MAP2K5: variants seen among roughly 807,000 people sequenced by gnomAD.
MAP2K5 encodes the protein dual specificity mitogen-activated protein kinase kinase 5.
A neutral mutation model predicts 83.1 loss-of-function variants in MAP2K5; 49 were observed. The observed-to-expected ratio is 0.59, with a 90% CI of 0.47 to 0.75. The LOEUF is 0.75. Ranked by LOEUF, MAP2K5 falls within the 30% of genes least tolerant of loss-of-function variation. MAP2K5 has a pLI of 0.00. For synonymous variants in MAP2K5, 202 were observed against 191.8 expected, an observed-to-expected ratio of 1.05 and a Z score of -0.44; for missense variants, 457 against 557.5, an observed-to-expected ratio of 0.82 and a Z score of 1.82.
chr15:67,730,419 G>T (rs1392125382), intron 17 of MAP2K5, among the ~76,000 whole-genome samples: 3 of 152,130 alleles, frequency 2.0e-5, no homozygotes, highest in Non-Finnish European at 4.4e-5. Flanking sequence ...TGACTGGTTT[G>T]GTTTCTTTGA....
chr15:67,560,108 G>C (rs926874686), intron 2 of MAP2K5, among the ~76,000 whole-genome samples: 1 of 152,226 alleles, frequency 6.6e-6, no homozygotes. Flanking sequence ...TTAGGCTACT[G>C]TCATAGTAAT....
At position 67,739,439 on chromosome 15, in the gene MAP2K5, TATATATATATATATATATATATA is replaced by T. The variant is rs1294246758; in HGVS notation, c.1075-8791_1075-8769del. On this transcript the variant is annotated intron_variant, in intron 17 of 21. Transcript: ENST00000178640. The stretch of plus-strand genomic sequence containing the variant: ...GTGTGTGACTATATATATATATATA[TATATATATATATATATATATATA>T]TTTTTTTTTTTTTTTTTTTTTTTTT... Among the ~76,000 whole-genome samples, 12 of 10,740 alleles carry T rather than the reference TATATATATATATATATATATATA, an allele frequency of 1.1e-3. No homozygotes were observed. In the East Asian group the frequency reaches 0.036, roughly 32 times the overall value. 7.0% of individuals were successfully genotyped at this position (10,740 alleles called of 152,430 possible). A position where few individuals can be genotyped will look rare whatever the true frequency, so the allele number is the denominator to read the frequency against.
intron 7 of MAP2K5, 23 bp from the exon 8 acceptor site, chr15:67,600,662 G>A (rs1381092194): frequency 6.3e-7 from 1 of 1,592,542 alleles, no homozygotes; most frequent in East Asian, 2.3e-5. Flanking sequence ...CACCCTTTTT[G>A]TTTTTCTTTC....
intron 12 of MAP2K5, among the ~76,000 whole-genome samples, chr15:67,660,945 A>G (rs1301316646): frequency 6.6e-6 from 1 of 151,840 alleles, no homozygotes; most frequent in Admixed American, 6.6e-5. Context: ...TATGAATGAG[A>G]GAATAGTGGA....
chr15:67,573,521 C>G lies in MAP2K5; in HGVS notation c.253-7233C>G, dbSNP rs2084990740. Reference sequence around the variant, plus strand: ...ATGATCCAGTCATCTCTCACAGGACCCCTCCTCCAATTAAACATGAGATTT... The same window carrying G: ...ATGATCCAGTCATCTCTCACAGGACGCCTCCTCCAATTAAACATGAGATTT... On this transcript the variant is annotated intron_variant, in intron 3 of 21. Transcript: ENST00000178640. This position sits in a 1 kb window ranked among gnomAD's most constrained non-coding sequence, Gnocchi z 4.2. Among the ~76,000 whole-genome samples the G allele has an allele frequency of 6.6e-6, 1 of 151,966 alleles. No individual in the cohort carries two copies. Among genetic ancestry groups the G allele is most frequent in the South Asian group, 2.1e-4 (1 of 4,810 alleles).
chr15:67,770,527 C>T lies in MAP2K5; in HGVS notation c.1196+864C>T, dbSNP rs772350281. 6.6e-6 allele frequency among the ~76,000 whole-genome samples: 1 copy of T among 152,208 alleles called. No individual in the cohort carries two copies. The highest frequency in any genetic ancestry group is 1.5e-5 in the Non-Finnish European group (1 of 68,044). On this transcript the variant is annotated intron_variant, in intron 20 of 21. Transcript: ENST00000178640. This position sits in a 1 kb window ranked among gnomAD's most constrained non-coding sequence, Gnocchi z 5.0. ...GCAGGAGACAAAACCAACCGCAACTCCTTCTTAACTACGTTGGTCTTCTTT... is the reference window on the plus strand; with the variant it reads ...GCAGGAGACAAAACCAACCGCAACTTCTTCTTAACTACGTTGGTCTTCTTT...
At chr15:67,592,996 G>C (rs1361138800) in intron 7 of MAP2K5, 22 bp downstream of exon 7, 1 of 1,470,150 alleles carries the variant, frequency 6.8e-7, no homozygotes, top group Admixed American at 1.8e-5. Context: ...TATATATTAA[G>C]ATTTTCACAT....
rs1434380658 is a variant in MAP2K5, at chr15:67,577,757, T to C, written c.253-2997T>C. Among the ~76,000 whole-genome samples, 1 of 152,162 alleles carries C rather than the reference T, an allele frequency of 6.6e-6. No homozygotes were observed. The highest frequency in any genetic ancestry group is 1.5e-5 in the Non-Finnish European group (1 of 68,018). ...GGCTCACGCCTGTAATCCCAGCACT[T>C]TGGGAGGCCAAGGCAGGTGGATCAC... On this transcript the variant is annotated intron_variant, in intron 3 of 21. Coordinates refer to ENST00000178640, the MANE Select transcript of MAP2K5 (RefSeq NM_145160.3). The surrounding 1 kb of genome is among the most constrained non-coding windows in gnomAD (Gnocchi z 4.1).
chr15:67,604,199 T>C (rs373675475), intron 8 of MAP2K5, among the ~76,000 whole-genome samples: 2 of 152,246 alleles, frequency 1.3e-5, no homozygotes, highest in South Asian at 4.1e-4. Context: ...CTCTATATTA[T>C]GAGAGTGACT....
chr15:67,730,805 G>A (rs548118557), intron 17 of MAP2K5, among the ~76,000 whole-genome samples: 2 of 152,272 alleles, frequency 1.3e-5, no homozygotes, highest in East Asian at 3.9e-4. Context: ...TTCACTAGTG[G>A]CAAATTGAGA....
intron 12 of MAP2K5, chr15:67,658,862 T>C: frequency 1.9e-6 from 1 of 540,392 alleles, no homozygotes; most frequent in South Asian, 1.6e-5. Context: ...GGTATTCTTG[T>C]TGACTCGTAA....
At chr15:67,727,071 C>T (rs1276641849) in intron 16 of MAP2K5, among the ~76,000 whole-genome samples, 5 of 152,106 alleles carry the variant, frequency 3.3e-5, no homozygotes, top group African/African-American at 1.2e-4. Flanking sequence ...TGATGGTGTG[C>T]GCCTGTAATC....
chr15:67,741,897 C>CTT (rs58351164), intron 17 of MAP2K5, among the ~76,000 whole-genome samples: 86 of 144,786 alleles, frequency 5.9e-4, no homozygotes, highest in Admixed American at 1.3e-3. Flanking sequence ...TAAGAAAGAA[C>CTT]TTTTTTTTTT....
chr15:67,641,244 C>T (rs1483876736), intron 9 of MAP2K5, among the ~76,000 whole-genome samples: 1 of 152,186 alleles, frequency 6.6e-6, no homozygotes, highest in Admixed American at 6.5e-5. Context: ...TCTTTGACTG[C>T]TTTGGGTTTC....
chr15:67,658,096 A>G (rs971034480), intron 11 of MAP2K5, among the ~76,000 whole-genome samples: 5 of 152,118 alleles, frequency 3.3e-5, no homozygotes, highest in African/African-American at 1.2e-4. Context: ...TCTCATAATC[A>G]TATCATTAAT....
At chr15:67,617,865 A>T (rs1189208426) in intron 8 of MAP2K5, among the ~76,000 whole-genome samples, 3 of 151,824 alleles carry the variant, frequency 2.0e-5, no homozygotes, top group East Asian at 3.9e-4. Context: ...TAATTTTTTT[A>T]AATTTTTTGT....
intron 9 of MAP2K5, among the ~76,000 whole-genome samples, chr15:67,639,591 A>G (rs563960663): frequency 6.6e-6 from 1 of 152,314 alleles, no homozygotes; most frequent in South Asian, 2.1e-4. Context: ...TGGCTTGCCA[A>G]GGGTCATCCT....
rs1004285349 is a variant in MAP2K5, at chr15:67,790,803, T to C, written c.1243-15843T>C. On this transcript the variant is annotated intron_variant, in intron 21 of 21. Transcript: ENST00000178640. This position sits in a 1 kb window ranked among gnomAD's most constrained non-coding sequence, Gnocchi z 4.6. ...ACATGTGTTAGGTGTTATAAAAGTT[T>C]CCTTAGAAAAGGAGTATGATAAGTA... Among the ~76,000 whole-genome samples the C allele has an allele frequency of 2.6e-5, 4 of 152,206 alleles. No homozygotes were observed. The highest frequency in any genetic ancestry group is 7.2e-5 in the African/African-American group (3 of 41,448).
intron 13 of MAP2K5, among the ~76,000 whole-genome samples, chr15:67,679,434 C>A (rs532383958): frequency 5.4e-4 from 82 of 152,130 alleles, no homozygotes; most frequent in Non-Finnish European, 9.3e-4. Context: ...CAGCTACTTG[C>A]GGTTATTGAG....
Sources: allele counts gnomAD v4.1 joint callset (sites outside exome capture counted in the v4.1 genomes callset), GRCh38; gene constraint gnomAD v4.1.1; non-coding constraint Gnocchi (gnomAD v3.1); transcripts MANE v1.5; gene names NCBI Gene and HGNC (gene_info 2026-07-23, HGNC 2026-07-21).